The following RFX7 variants were observed in gnomAD, a reference collection of about 807,000 sequenced individuals.
The protein encoded by RFX7 is DNA-binding protein RFX7.
A neutral mutation model predicts 111.8 loss-of-function variants in RFX7; 26 were observed. That is an observed-to-expected ratio of 0.23 (90% CI 0.17 to 0.32). The LOEUF (loss-of-function observed/expected upper bound fraction) is 0.32. Among genes scored for constraint, RFX7 ranks in the 10% least tolerant of loss-of-function variants. The probability of loss-of-function intolerance (pLI) is 1.00; values close to 1 mark genes in which losing one functional copy is unlikely to be tolerated. For missense variants in RFX7, 1,573 were observed against 1,772.9 expected (o/e 0.89, Z 2.02); for synonymous variants, 624 against 624.4 (o/e 1.00, Z 0.01).
At chr15:56,181,078 C>T (rs1015434091) in intron 2 of RFX7, among the ~76,000 whole-genome samples, 3 of 152,182 alleles carry the variant, frequency 2.0e-5, no homozygotes, top group South Asian at 4.1e-4. Context: ...TTGAAGATGA[C>T]ATTAGTCCTT....
intron 2 of RFX7, among the ~76,000 whole-genome samples, chr15:56,184,413 T>G (rs2043015185): frequency 6.6e-6 from 1 of 152,038 alleles, no homozygotes; most frequent in Non-Finnish European, 1.5e-5. Flanking sequence ...CTTTCCAATC[T>G]TTATGTCTCT....
chr15:56,244,626 G>T (rs1700591329), upstream of RFX7, among the ~76,000 whole-genome samples: 1 of 59,360 alleles, frequency 1.7e-5, no homozygotes, highest in Non-Finnish European at 3.1e-5. Context: ...CCTTTATACC[G>T]CTCCCAATTC....
At chr15:56,197,112 AT>A (rs767725300) in intron 2 of RFX7, among the ~76,000 whole-genome samples, 7 of 151,994 alleles carry the variant, frequency 4.6e-5, no homozygotes, top group East Asian at 3.9e-4. Flanking sequence ...TTTAAAATGC[AT>A]TTTTTTTAAT....
At chr15:56,185,438 G>A (rs2043028469) in intron 2 of RFX7, among the ~76,000 whole-genome samples, 1 of 152,058 alleles carries the variant, frequency 6.6e-6, no homozygotes, top group African/African-American at 2.4e-5. Context: ...TAATTATGCT[G>A]TTTAAATAAT....
At position 56,096,599 on chromosome 15, in the gene RFX7, C is replaced by T; in HGVS notation, c.1129G>A (p.Val377Ile). 11 of 1,587,994 alleles carry T rather than the reference C, an allele frequency of 6.9e-6. No homozygotes were observed. The highest frequency in any genetic ancestry group is 9.4e-6 in the Non-Finnish European group (11 of 1,166,302). Residue 377 changes from valine (V) to isoleucine (I), a missense_variant, in exon 10 of 10, where the codon GTA becomes ATA. Transcript: ENST00000559447. ...PIPVQRTRQLVTSPSPMSSSD... is the reference protein window; with the variant it reads ...PIPVQRTRQLITSPSPMSSSD... ...GAACTCATTGGACTCGGTGAAGTTA[C>T]CAATTGCCTAGTCCGCTGGACCTGT...
At chr15:56,199,512 TTTTC>T (rs1294376911) in intron 2 of RFX7, among the ~76,000 whole-genome samples, 2 of 152,166 alleles carry the variant, frequency 1.3e-5, no homozygotes, top group African/African-American at 4.8e-5. Context: ...GCCTTCCCTG[TTTTC>T]TTTAATGCAA....
chr15:56,106,579 C>G (rs1197735635), intron 5 of RFX7, among the ~76,000 whole-genome samples: 1 of 152,132 alleles, frequency 6.6e-6, no homozygotes, highest in Middle Eastern at 3.2e-3. Flanking sequence ...TAGAAATGGT[C>G]ATACTCTTAA....
At chr15:56,112,787 T>A (rs746886175) in intron 5 of RFX7, among the ~76,000 whole-genome samples, 2 of 151,934 alleles carry the variant, frequency 1.3e-5, no homozygotes, top group East Asian at 1.9e-4. Flanking sequence ...AGAATTTACA[T>A]GGGACTTAAA....
At chr15:56,182,527 C>A (rs2042985293) in intron 2 of RFX7, among the ~76,000 whole-genome samples, 1 of 152,118 alleles carries the variant, frequency 6.6e-6, no homozygotes, top group African/African-American at 2.4e-5. Context: ...CAAGTTGTTA[C>A]TTGTATTAAA....
chr15:56,125,068 A>G (rs907216239), intron 5 of RFX7, among the ~76,000 whole-genome samples: 1 of 152,168 alleles, frequency 6.6e-6, no homozygotes. Flanking sequence ...ATTCTTCTGC[A>G]TATGTATACC....
chr15:56,224,991 T>A (rs1697757187), intron 2 of RFX7, among the ~76,000 whole-genome samples: 1 of 152,128 alleles, frequency 6.6e-6, no homozygotes, highest in African/African-American at 2.4e-5. Flanking sequence ...GCCTCCTTTA[T>A]CACTGATTTG....
At chr15:56,120,617 C>T (rs1176010799) in intron 5 of RFX7, among the ~76,000 whole-genome samples, 1 of 152,138 alleles carries the variant, frequency 6.6e-6, no homozygotes, top group Non-Finnish European at 1.5e-5. Flanking sequence ...ATGATACTAG[C>T]TGTGGGTCTG....
rs1168778179 is a variant in RFX7, at chr15:56,093,116, A to G, written c.*229T>C. 2 of 456,896 alleles carry G rather than the reference A, an allele frequency of 4.4e-6. No individual in the cohort carries two copies. The highest frequency in any genetic ancestry group is 3.9e-5 in the African/African-American group (2 of 51,296). 28.3% of individuals were successfully genotyped at this position (456,896 alleles called of 1,614,324 possible). A position where few individuals can be genotyped will look rare whatever the true frequency, so the allele number is the denominator to read the frequency against. ...CAATCAATGTGAATAAATGGGGCACATTATAAAATTTAAAACCTAATACTT... is the reference window on the plus strand; with the variant it reads ...CAATCAATGTGAATAAATGGGGCACGTTATAAAATTTAAAACCTAATACTT... On this transcript the variant is annotated 3_prime_UTR_variant, in exon 10 of 10. Coordinates refer to ENST00000559447, the MANE Select transcript of RFX7 (RefSeq NM_022841.7).
intron 2 of RFX7, among the ~76,000 whole-genome samples, chr15:56,241,210 T>C (rs1172859211): frequency 6.6e-6 from 1 of 152,102 alleles, no homozygotes; most frequent in African/African-American, 2.4e-5. Context: ...AAAACTGGAG[T>C]GCACTCTACT....
intron 2 of RFX7, among the ~76,000 whole-genome samples, chr15:56,232,375 A>C (rs2043569860): frequency 6.6e-6 from 1 of 152,204 alleles, no homozygotes; most frequent in Non-Finnish European, 1.5e-5. Flanking sequence ...CAGAGCACCA[A>C]GTCTCTAGGT....
chr15:56,243,282 C>CAGCGATGG lies in RFX7; in HGVS notation c.3_4insCCATCGCT (p.Ala2ProfsTer76). 8.4e-7 allele frequency: 1 copy of CAGCGATGG among 1,183,536 alleles called. No individual in the cohort carries two copies. Among genetic ancestry groups the CAGCGATGG allele is most frequent in the Non-Finnish European group, 1.1e-6 (1 of 909,990 alleles). 73.3% of individuals were successfully genotyped at this position (1,183,536 alleles called of 1,614,324 possible). A position where few individuals can be genotyped will look rare whatever the true frequency, so the allele number is the denominator to read the frequency against. On this transcript the variant is annotated frameshift_variant, in exon 2 of 10. Coordinates refer to ENST00000559447, the MANE Select transcript of RFX7 (RefSeq NM_022841.7). LOFTEE classifies it high-confidence loss of function. ...GGTGGCGGCTGTTGTTGTTCCTCTG[C>CAGCGATGG]CATCGCTGCAGAGGGGTGGGAGGGA...
intron 2 of RFX7, among the ~76,000 whole-genome samples, chr15:56,187,661 T>C (rs1244494088): frequency 6.6e-6 from 1 of 152,172 alleles, no homozygotes; most frequent in Non-Finnish European, 1.5e-5. Context: ...AAAATTTCTA[T>C]ATGAACTACG....
In RFX7 at chr15:56,200,360, T is replaced by C. The variant is rs1174600869; in HGVS notation, c.162-21057A>G. 2.0e-5 allele frequency among the ~76,000 whole-genome samples: 3 copies of C among 152,270 alleles called. No individual in the cohort carries two copies. In the East Asian group the frequency reaches 5.8e-4, roughly 29 times the overall value. On this transcript the variant is annotated intron_variant, in intron 2 of 9. Coordinates refer to ENST00000559447, the MANE Select transcript of RFX7 (RefSeq NM_022841.7). ...AAAAGCTTTTAAAACTTTTTGTTAT[T>C]GTTTAAGTTTTTATAACATATAAAA...
chr15:56,209,158 G>T (rs943740528), intron 2 of RFX7, among the ~76,000 whole-genome samples: 1 of 151,774 alleles, frequency 6.6e-6, no homozygotes, highest in Admixed American at 6.6e-5. Flanking sequence ...ATCAAAGATA[G>T]AGAAAAAATC....
Sources: allele counts gnomAD v4.1 joint callset (sites outside exome capture counted in the v4.1 genomes callset), GRCh38; gene constraint gnomAD v4.1.1; transcripts MANE v1.5; gene names NCBI Gene and HGNC (gene_info 2026-07-23, HGNC 2026-07-21).